Variants in NRP2 observed in about 807,000 individuals in gnomAD.
The protein encoded by NRP2 is neuropilin 2, also known as neuropilin-2.
A neutral mutation model predicts 110.4 loss-of-function variants in NRP2; 52 were observed. The observed-to-expected ratio is 0.47, with a 90% confidence interval of 0.38 to 0.59. The LOEUF is 0.59. Among genes scored for constraint, NRP2 ranks in the 20% least tolerant of loss-of-function variants. The pLI is 0.00. For missense variants in NRP2, 1,049 were observed against 1,203.0 expected (o/e 0.87, Z 1.89); for synonymous variants, 508 against 468.9 (o/e 1.08, Z -1.08).
chr2:205,721,021 G>A (rs1176486630), intron 3 of NRP2, among the ~76,000 whole-genome samples: 1 of 152,236 alleles, frequency 6.6e-6, no homozygotes, highest in African/African-American at 2.4e-5. Flanking sequence ...ATAGGTAGGA[G>A]ATACTGGAAT....
chr2:205,792,316 G>T, intron 16 of NRP2, 31 bp downstream of exon 16: 3 of 1,567,182 alleles, frequency 1.9e-6, no homozygotes, highest in Non-Finnish European at 2.6e-6. Context: ...GCAGGTAATC[G>T]TAAAATTCAA....
At chr2:205,695,509 G>C (rs13028020) in intron 1 of NRP2, among the ~76,000 whole-genome samples, 39,319 of 152,024 alleles carry the variant, frequency 0.26, 5,632 homozygotes, top group Middle Eastern at 0.38. Flanking sequence ...AGGAGGGAGA[G>C]AGTGTGGGTA....
chr2:205,698,810 TTCCTTGCTATTAAG>T (rs1197691279), intron 2 of NRP2, among the ~76,000 whole-genome samples: 4 of 152,238 alleles, frequency 2.6e-5, no homozygotes, highest in Admixed American at 2.6e-4. Context: ...TGTCTAAGCA[TTCCTTGCTATTAAG>T]CAAGGAATTG....
chr2:205,738,509 G>A (rs1192359821), intron 7 of NRP2, among the ~76,000 whole-genome samples: 1 of 152,182 alleles, frequency 6.6e-6, no homozygotes, highest in Non-Finnish European at 1.5e-5. Flanking sequence ...GAGCTGTGGA[G>A]CCCTTTTTCA....
intron 16 of NRP2, among the ~76,000 whole-genome samples, chr2:205,794,442 T>A (rs934520737): frequency 6.6e-6 from 1 of 152,196 alleles, no homozygotes; most frequent in African/African-American, 2.4e-5. Context: ...ACTTAGTACT[T>A]ACTATGTTGC....
At chr2:205,746,173 A>G (rs1205852151) in intron 10 of NRP2, among the ~76,000 whole-genome samples, 1 of 152,204 alleles carries the variant, frequency 6.6e-6, no homozygotes, top group East Asian at 1.9e-4. Flanking sequence ...ACCCAAATTC[A>G]ATTAGACCCT....
Position 205,716,212 on chromosome 2 carries a change from C to T in NRP2, c.271C>T (p.Arg91Trp), listed in dbSNP as rs2056891319. The change falls in exon 3 of 17, where the codon CGG becomes TGG. Residue 91 changes from arginine (R) to tryptophan (W), a missense_variant. Physicochemically the swap from Arg to Trp is moderately radical, Grantham distance 101 (BLOSUM62 -3). Transcript: ENST00000357785. Reference sequence around the variant, plus strand: ...ACCCAGGTATGACTTTATCGAGATTCGGGATGGGGACAGTGAATCCGCAGA... The same window carrying T: ...ACCCAGGTATGACTTTATCGAGATTTGGGATGGGGACAGTGAATCCGCAGA... The part of the protein sequence containing the change: ...HDCKYDFIEI[R>W]DGDSESADLL... The T allele has an allele frequency of 6.2e-7, 1 of 1,614,162 alleles. No homozygotes were observed. Among genetic ancestry groups the T allele is most frequent in the Non-Finnish European group, 8.5e-7 (1 of 1,180,036 alleles).
At chr2:205,774,905 T>G (rs2058075147) in intron 15 of NRP2, among the ~76,000 whole-genome samples, 1 of 152,152 alleles carries the variant, frequency 6.6e-6, no homozygotes, top group South Asian at 2.1e-4. Flanking sequence ...AGTGAGTTCC[T>G]CTGCTTAAGG....
At chr2:205,731,206 A>G (rs114623428) in intron 7 of NRP2, among the ~76,000 whole-genome samples, 78 of 152,252 alleles carry the variant, frequency 5.1e-4, no homozygotes, top group African/African-American at 1.9e-3. Context: ...TCCATATCCA[A>G]CCCACGTGCT....
chr2:205,736,849 C>T (rs1322141509), intron 7 of NRP2, among the ~76,000 whole-genome samples: 1 of 152,176 alleles, frequency 6.6e-6, no homozygotes, highest in Non-Finnish European at 1.5e-5. Context: ...GAATCCATCT[C>T]AGTGAATTTG....
At chr2:205,755,555 G>A (rs916195501) in intron 12 of NRP2, among the ~76,000 whole-genome samples, 3 of 151,730 alleles carry the variant, frequency 2.0e-5, no homozygotes, top group Admixed American at 6.6e-5. Flanking sequence ...GCTTTAAGCA[G>A]GAGAGGAGAG....
intron 11 of NRP2, among the ~76,000 whole-genome samples, chr2:205,750,638 A>G (rs939392839): frequency 3.3e-5 from 5 of 152,258 alleles, no homozygotes; most frequent in African/African-American, 1.2e-4. Context: ...ATAAGAAACC[A>G]CAAATTTTGG....
chr2:205,781,486 G>A (rs1013009590), intron 15 of NRP2, among the ~76,000 whole-genome samples: 1 of 152,230 alleles, frequency 6.6e-6, no homozygotes, highest in African/African-American at 2.4e-5. Flanking sequence ...GCCAAGCTGA[G>A]GTGGCACAGT....
In NRP2 at chr2:205,797,555, A is replaced by G. The variant is rs907464261; in HGVS notation, c.*2497A>G. 7 of 152,512 alleles carry G rather than the reference A, an allele frequency of 4.6e-5. No homozygotes were observed. The highest frequency in any genetic ancestry group is 9.7e-5 in the African/African-American group (4 of 41,436). 9.4% of individuals were successfully genotyped at this position (152,512 alleles called of 1,614,324 possible). A position where few individuals can be genotyped will look rare whatever the true frequency, so the allele number is the denominator to read the frequency against. On this transcript the variant is annotated 3_prime_UTR_variant, in exon 17 of 17. Coordinates refer to ENST00000357785, the MANE Select transcript of NRP2 (RefSeq NM_003872.3). ...AGGCCCTGAGTGGGCCTTGAATGCT[A>G]AAAAGAAGCAGGGTACGCAGGGCTA... is the stretch of plus-strand genomic sequence containing the variant.
chr2:205,730,121 C>T (rs558676724), intron 7 of NRP2, among the ~76,000 whole-genome samples: 1 of 152,352 alleles, frequency 6.6e-6, no homozygotes, highest in South Asian at 2.1e-4. Flanking sequence ...CAAGCTCCTT[C>T]ACCCCACTGC....
chr2:205,745,610 A>C (rs76396936), intron 9 of NRP2, 136 bp from the exon 10 acceptor site: 29 of 912,210 alleles, frequency 3.2e-5, no homozygotes, highest in Non-Finnish European at 5.1e-5. Context: ...AGAATGTCCC[A>C]GTGACCAGGA....
intron 15 of NRP2, among the ~76,000 whole-genome samples, chr2:205,784,357 G>C (rs1268151580): frequency 2.0e-5 from 3 of 152,226 alleles, no homozygotes; most frequent in African/African-American, 7.2e-5. Context: ...TTGTCTCTTT[G>C]TGTTTTCTTG....
chr2:205,795,156 C>G lies in NRP2; in HGVS notation c.*98C>G. 1 of 1,147,898 alleles carries G rather than the reference C, an allele frequency of 8.7e-7. No individual in the cohort carries two copies. The highest frequency in any genetic ancestry group is 1.3e-6 in the Non-Finnish European group (1 of 787,126). The allele number at this position is 1,147,898 out of a possible 1,614,324, so 71.1% of individuals were successfully genotyped here. ...CTTTGGAAACTGAATGCCATAATCT[C>G]GATCAAACCGATCCAGAATACCGAA... is the stretch of plus-strand genomic sequence containing the variant. On this transcript the variant is annotated 3_prime_UTR_variant, in exon 17 of 17. Transcript: ENST00000357785.
chr2:205,708,707 T>A (rs1411059007), intron 2 of NRP2, among the ~76,000 whole-genome samples: 2 of 152,336 alleles, frequency 1.3e-5, no homozygotes, highest in African/African-American at 4.8e-5. Flanking sequence ...TTCCTTCAGT[T>A]TGTTTTGGGT....
Sources: gnomAD v4.1 joint callset for allele counts (sites outside exome capture counted in the v4.1 genomes callset) on GRCh38, gnomAD v4.1.1 for gene constraint, MANE v1.5 for transcripts, NCBI Gene and HGNC (gene_info 2026-07-23, HGNC 2026-07-21) for gene names.